Variants in PAX5 observed in about 807,000 individuals in gnomAD.
PAX5 encodes paired box protein Pax-5.
In PAX5, 9 loss-of-function variants were observed where a neutral mutation model predicts 43.7. The ratio of observed to expected loss-of-function variants is 0.21; its 90% CI spans 0.12 to 0.36. The LOEUF is 0.36. Ranked by LOEUF, PAX5 falls within the 10% of genes least tolerant of loss-of-function variation. The pLI is 1.00. For synonymous variants in PAX5, 228 were observed against 214.3 expected, an observed-to-expected ratio of 1.06 and a Z score of -0.56; for missense variants, 383 against 532.7, an observed-to-expected ratio of 0.72 and a Z score of 2.77.
intron 6 of PAX5, among the ~76,000 whole-genome samples, chr9:36,946,120 C>T (rs12345017): frequency 0.024 from 3,709 of 151,730 alleles, 130 homozygotes; most frequent in African/African-American, 0.084. Flanking sequence ...GAAGCGACTC[C>T]CTGAGGAGTG....
chr9:37,026,129 G>A (rs986494452), intron 1 of PAX5, among the ~76,000 whole-genome samples: 1 of 152,252 alleles, frequency 6.6e-6, no homozygotes, highest in African/African-American at 2.4e-5. Flanking sequence ...TCAGCCCCAT[G>A]GCTGAAAAAG....
rs193221647 is a variant in PAX5 at position 36,991,532 on chromosome 9, G to A, written c.604+11116C>T. On this transcript the variant is annotated intron_variant, in intron 5 of 9. Coordinates refer to ENST00000358127, the MANE Select transcript of PAX5 (RefSeq NM_016734.3). ...CATTTGGACCATGGAGGTGAGAAAG[G>A]ACCAGATTAATCCCCACTAGCAATG... is the stretch of plus-strand genomic sequence containing the variant. Among the ~76,000 whole-genome samples, 318 of 152,256 alleles carry A rather than the reference G, an allele frequency of 2.1e-3. 4 individuals are homozygous for A. The highest frequency in any genetic ancestry group is 7.3e-3 in the African/African-American group (305 of 41,532).
chr9:36,902,790 G>A (rs962902456), intron 7 of PAX5, among the ~76,000 whole-genome samples: 1 of 152,228 alleles, frequency 6.6e-6, no homozygotes, highest in Non-Finnish European at 1.5e-5. Context: ...GGCACAGACG[G>A]CTATTTGTGC....
intron 8 of PAX5, among the ~76,000 whole-genome samples, chr9:36,868,609 G>T (rs1168080509): frequency 6.6e-6 from 1 of 152,116 alleles, no homozygotes; most frequent in Non-Finnish European, 1.5e-5. Context: ...CCAGCAGGAA[G>T]AGCTCTTCCT....
intron 7 of PAX5, among the ~76,000 whole-genome samples, chr9:36,887,297 G>T (rs201875751): frequency 1.2e-4 from 19 of 152,102 alleles, no homozygotes; most frequent in Non-Finnish European, 2.5e-4. Flanking sequence ...AGGCTCAAAA[G>T]ATCCAATCCA....
chr9:37,006,369 G>T (rs1219859089), intron 4 of PAX5, 104 bp downstream of exon 4: 2 of 822,502 alleles, frequency 2.4e-6, no homozygotes, highest in African/African-American at 1.7e-5. Flanking sequence ...TACGTGTGCT[G>T]AAGTGTTTTA....
chr9:36,898,921 C>T (rs902513841), intron 7 of PAX5, among the ~76,000 whole-genome samples: 3 of 152,104 alleles, frequency 2.0e-5, no homozygotes, highest in South Asian at 4.2e-4. Context: ...AGACACCCAT[C>T]GCCACCGCAG....
At chr9:36,971,749 C>T (rs1041230830) in intron 5 of PAX5, among the ~76,000 whole-genome samples, 3 of 152,220 alleles carry the variant, frequency 2.0e-5, no homozygotes, top group African/African-American at 7.2e-5. Flanking sequence ...GAAGCCCCGT[C>T]TCGGGGAGCA....
chr9:37,020,488 G>T, intron 2 of PAX5, 148 bp downstream of exon 2: 1 of 778,754 alleles, frequency 1.3e-6, no homozygotes, highest in Non-Finnish European at 2.1e-6. Flanking sequence ...ACTTGGAATT[G>T]GGGCTTTGCA....
chr9:36,978,551 T>C (rs1835646570), intron 5 of PAX5, among the ~76,000 whole-genome samples: 1 of 152,218 alleles, frequency 6.6e-6, no homozygotes, highest in African/African-American at 2.4e-5. Context: ...ATATTTACTC[T>C]GATATCTTTG....
intron 6 of PAX5, among the ~76,000 whole-genome samples, chr9:36,956,928 G>A (rs1354526631): frequency 2.0e-5 from 3 of 152,160 alleles, no homozygotes; most frequent in East Asian, 1.9e-4. Context: ...GCAAAATAGC[G>A]TCCAAGTTAA....
At chr9:36,881,348 C>T (rs1587854778) in intron 8 of PAX5, among the ~76,000 whole-genome samples, 1 of 152,116 alleles carries the variant, frequency 6.6e-6, no homozygotes, top group Non-Finnish European at 1.5e-5. Flanking sequence ...AAAGAATACT[C>T]GGGTATTCCT....
At chr9:36,924,845 G>A (rs866782626) in intron 6 of PAX5, among the ~76,000 whole-genome samples, 38 of 762 alleles carry the variant, frequency 0.05, no homozygotes, top group East Asian at 0.17. Context: ...GAGAAAGGGA[G>A]GGAGGGAGGA....
chr9:36,890,972 CT>C (rs766185726), intron 7 of PAX5, among the ~76,000 whole-genome samples: 4 of 152,144 alleles, frequency 2.6e-5, no homozygotes, highest in Non-Finnish European at 5.9e-5. Flanking sequence ...AACCCCATCT[CT>C]ACTAAGAATA....
intron 9 of PAX5, among the ~76,000 whole-genome samples, chr9:36,842,743 C>T (rs1263537843): frequency 6.6e-6 from 1 of 152,192 alleles, no homozygotes; most frequent in Non-Finnish European, 1.5e-5. Context: ...CTATTCTAAT[C>T]CTAATTGACC....
rs1587873451 is a variant in PAX5, at chr9:36,887,673, TA to T, written c.911-5569del. On this transcript the variant is annotated intron_variant, in intron 7 of 9. Coordinates refer to ENST00000358127, the MANE Select transcript of PAX5 (RefSeq NM_016734.3). ...GAATCAAAGACCTAAATGTAGGAGTTAAAAGTACAAAATTCTTAGAAGGAAA... is the reference window on the plus strand; with the variant it reads ...GAATCAAAGACCTAAATGTAGGAGTTAAAGTACAAAATTCTTAGAAGGAAA... Among the ~76,000 whole-genome samples the T allele has an allele frequency of 7.2e-5, 11 of 152,290 alleles. No homozygotes were observed. The South Asian group carries it at 2.1e-3, about 29-fold the overall frequency.
chr9:36,898,149 G>C (rs1044241171), intron 7 of PAX5, among the ~76,000 whole-genome samples: 3 of 152,162 alleles, frequency 2.0e-5, no homozygotes, highest in African/African-American at 7.2e-5. Flanking sequence ...AGAGGAACAA[G>C]GCAGTCTTCT....
chr9:37,006,649 G>A (rs979069137), intron 3 of PAX5, 112 bp from the exon 4 acceptor site: 11 of 842,100 alleles, frequency 1.3e-5, no homozygotes, highest in Admixed American at 9.0e-5. Context: ...GCCATGGTTC[G>A]AGCTGAGGCA....
At chr9:36,884,390 T>C (rs897093678) in intron 7 of PAX5, among the ~76,000 whole-genome samples, 3 of 152,206 alleles carry the variant, frequency 2.0e-5, no homozygotes, top group Non-Finnish European at 4.4e-5. Flanking sequence ...AAGAAAATCA[T>C]ATGATTATAT....
Sources: gnomAD v4.1 joint callset for allele counts (sites outside exome capture counted in the v4.1 genomes callset) on GRCh38, gnomAD v4.1.1 for gene constraint, MANE v1.5 for transcripts, NCBI Gene and HGNC (gene_info 2026-07-23, HGNC 2026-07-21) for gene names.